Variants in AGMO observed in about 807,000 individuals in gnomAD.
AGMO encodes the protein alkylglycerol monooxygenase.
A neutral mutation model predicts 60.2 loss-of-function variants in AGMO; 75 were observed. The observed-to-expected ratio is 1.25, with a 90% CI of 1.03 to 1.51. The LOEUF (loss-of-function observed/expected upper bound fraction) is 1.51, where lower values mean the gene tolerates loss of function less well. AGMO is among the 40% of genes most tolerant of loss of function. The pLI is 0.00. For synonymous variants in AGMO, 261 were observed against 177.1 expected, an observed-to-expected ratio of 1.47 and a Z score of -3.76; for missense variants, 763 against 525.5, an observed-to-expected ratio of 1.45 and a Z score of -4.42.
chr7:15,394,099 C>T lies in AGMO; in HGVS notation c.676+14G>A, dbSNP rs1562483825. 4 of 1,595,126 alleles carry T rather than the reference C, an allele frequency of 2.5e-6. No homozygotes were observed. The highest frequency in any genetic ancestry group is 2.6e-6 in the Non-Finnish European group (3 of 1,166,240). ...AGAAATGAAGAAAAGAGAGAAGAAA[C>T]AAAACTTCCTTACCATGATGAACCC... On this transcript the variant is annotated intron_variant, in intron 6 of 12. Transcript: ENST00000342526.
At chr7:15,354,494 G>GTGTA (rs1344969062) in intron 12 of AGMO, among the ~76,000 whole-genome samples, 1 of 11,598 alleles carries the variant, frequency 8.6e-5, no homozygotes, top group African/African-American at 3.4e-4. Context: ...ATATACACAC[G>GTGTA]TGTATATATA....
chr7:15,169,036 T>C, the AGMO span, among the ~76,000 whole-genome samples: 1 of 152,232 alleles, frequency 6.6e-6, no homozygotes, highest in East Asian at 1.9e-4. Flanking sequence ...ATTTGTCTAT[T>C]ATTGGTCCCA....
chr7:15,392,168 C>G (rs1784169134), intron 6 of AGMO, among the ~76,000 whole-genome samples: 2 of 151,888 alleles, frequency 1.3e-5, no homozygotes, highest in African/African-American at 4.8e-5. Context: ...CTCCCGGGTT[C>G]ACGCCATTCT....
At chr7:15,484,644 T>A (rs1275069790) in intron 3 of AGMO, among the ~76,000 whole-genome samples, 1 of 152,176 alleles carries the variant, frequency 6.6e-6, no homozygotes, top group Non-Finnish European at 1.5e-5. Context: ...CAAAAAACAA[T>A]CTTTCACCCA....
chr7:15,356,528 G>A (rs1252665374), intron 12 of AGMO, among the ~76,000 whole-genome samples: 1 of 151,866 alleles, frequency 6.6e-6, no homozygotes, highest in Non-Finnish European at 1.5e-5. Flanking sequence ...ATGATACCTT[G>A]AAGAAAATCT....
At chr7:15,240,177 A>G (rs1782549582) in intron 12 of AGMO, among the ~76,000 whole-genome samples, 1 of 152,202 alleles carries the variant, frequency 6.6e-6, no homozygotes, top group Non-Finnish European at 1.5e-5. Flanking sequence ...CTGGTGTGTT[A>G]GGTCTCTTCA....
chr7:15,233,561 T>G (rs7802206), intron 12 of AGMO, among the ~76,000 whole-genome samples: 1 of 150,560 alleles, frequency 6.6e-6, no homozygotes, highest in Non-Finnish European at 1.5e-5. Context: ...TTTTTTTTTT[T>G]CCCCCCTTTG....
At chr7:15,297,129 T>A (rs2128524312) in intron 12 of AGMO, among the ~76,000 whole-genome samples, 1 of 152,268 alleles carries the variant, frequency 6.6e-6, no homozygotes, top group East Asian at 1.9e-4. Flanking sequence ...CCTGCTGAAC[T>A]GACCTAAAGA....
rs141905639 is a variant in AGMO at position 15,350,892 on chromosome 7, A to G, written c.1263+14622T>C. On this transcript the variant is annotated intron_variant, in intron 12 of 12. Transcript: ENST00000342526. ...AAGAATAAATGAGGCATTATTTTGGAGAGACAGTAATTAAACATTGTTCAG... is the reference window on the plus strand; with the variant it reads ...AAGAATAAATGAGGCATTATTTTGGGGAGACAGTAATTAAACATTGTTCAG... Among the ~76,000 whole-genome samples, 1,301 of 152,260 alleles carry G rather than the reference A, an allele frequency of 8.5e-3. 11 individuals carry two copies. The highest frequency in any genetic ancestry group is 0.019 in the South Asian group (92 of 4,830).
At chr7:15,409,351 C>A (rs1583521772) in intron 5 of AGMO, among the ~76,000 whole-genome samples, 1 of 152,008 alleles carries the variant, frequency 6.6e-6, no homozygotes, top group Admixed American at 6.6e-5. Context: ...CAGGGTCTAA[C>A]AAGTGAAACC....
At chr7:15,496,352 T>C (rs1295170628) in intron 3 of AGMO, among the ~76,000 whole-genome samples, 3 of 152,188 alleles carry the variant, frequency 2.0e-5, no homozygotes, top group East Asian at 1.9e-4. Flanking sequence ...ATCAATGTTA[T>C]ACCTCAACAA....
chr7:15,377,348 T>C (rs1258583012), intron 10 of AGMO, among the ~76,000 whole-genome samples: 1 of 151,992 alleles, frequency 6.6e-6, no homozygotes, highest in Non-Finnish European at 1.5e-5. Context: ...ACTTGATATT[T>C]CTCTTCGTCA....
At chr7:15,339,551 T>G (rs1191816174) in intron 12 of AGMO, among the ~76,000 whole-genome samples, 1 of 152,206 alleles carries the variant, frequency 6.6e-6, no homozygotes, top group Non-Finnish European at 1.5e-5. Flanking sequence ...ACATTATATG[T>G]CAGAAATGAG....
chr7:15,271,565 G>A (rs1022480957), intron 12 of AGMO, among the ~76,000 whole-genome samples: 3 of 152,116 alleles, frequency 2.0e-5, no homozygotes, highest in African/African-American at 7.2e-5. Context: ...GGAGTCTTCT[G>A]AAGGAATATT....
At chr7:15,185,736 G>A in the AGMO span, among the ~76,000 whole-genome samples, 4 of 152,324 alleles carry the variant, frequency 2.6e-5, no homozygotes, top group East Asian at 1.9e-4. Flanking sequence ...AACCACAGGT[G>A]AGCAGTGAAA....
At chr7:15,228,553 G>C (rs944971605) in intron 12 of AGMO, among the ~76,000 whole-genome samples, 7 of 152,126 alleles carry the variant, frequency 4.6e-5, no homozygotes, top group African/African-American at 1.7e-4. Context: ...GAAGGGTTAG[G>C]CAGAATCACA....
rs140704800 is a variant in AGMO at position 15,298,380 on chromosome 7, G to T, written c.1263+67134C>A. Reference sequence around the variant, plus strand: ...TCTAATTATCTCATACCTCTTTTATGATTTTCTTGTGTGTCTGTGTGTGTT... The same window carrying T: ...TCTAATTATCTCATACCTCTTTTATTATTTTCTTGTGTGTCTGTGTGTGTT... On this transcript the variant is annotated intron_variant, in intron 12 of 12. Transcript: ENST00000342526. Among the ~76,000 whole-genome samples the T allele has an allele frequency of 9.9e-5, 15 of 152,010 alleles. 1 individual carries two copies. In the East Asian group the frequency reaches 2.7e-3, roughly 27 times the overall value.
At chr7:15,149,853 A>G in the AGMO span, among the ~76,000 whole-genome samples, 1 of 152,014 alleles carries the variant, frequency 6.6e-6, no homozygotes, top group Admixed American at 6.6e-5. Context: ...TGTGAAAAAA[A>G]TGATGTTGGT....
chr7:15,531,358 C>T (rs371120361), intron 3 of AGMO, among the ~76,000 whole-genome samples: 1 of 14,016 alleles, frequency 7.1e-5, no homozygotes, highest in Admixed American at 1.0e-3. Flanking sequence ...TATATATATT[C>T]TATATATATA....
Sources: gnomAD v4.1 joint callset for allele counts (sites outside exome capture counted in the v4.1 genomes callset) on GRCh38, gnomAD v4.1.1 for gene constraint, MANE v1.5 for transcripts, NCBI Gene and HGNC (gene_info 2026-07-23, HGNC 2026-07-21) for gene names.